The following NRG1 variants were observed in gnomAD, a reference collection of about 807,000 sequenced individuals.
NRG1 encodes the protein pro-neuregulin-1, membrane-bound isoform.
NRG1 carries 18 observed loss-of-function variants against 63.8 expected under a neutral mutation model. The ratio of observed to expected loss-of-function variants is 0.28; its 90% confidence interval spans 0.19 to 0.42. The LOEUF (loss-of-function observed/expected upper bound fraction) is 0.42. Ranked by LOEUF, NRG1 falls within the 10% of genes least tolerant of loss-of-function variation. NRG1 has a pLI of 1.00. For missense variants in NRG1, 762 were observed against 814.7 expected (o/e 0.94, Z 0.79); for synonymous variants, 302 against 301.3 (o/e 1.00, Z -0.02).
intron 7 of NRG1, among the ~76,000 whole-genome samples, chr8:32,745,719 T>C (rs1250426750): frequency 6.6e-6 from 1 of 151,894 alleles, no homozygotes; most frequent in Non-Finnish European, 1.5e-5. Context: ...TGTGTGTGTA[T>C]ACAGGCACTC....
intron 5 of NRG1, among the ~76,000 whole-genome samples, chr8:32,624,739 T>C (rs948479733): frequency 6.6e-6 from 1 of 152,152 alleles, no homozygotes; most frequent in African/African-American, 2.4e-5. Flanking sequence ...TAGAAAAACG[T>C]AGACAAATGA....
intron 1 of NRG1, among the ~76,000 whole-genome samples, chr8:31,659,182 G>C (rs1805720227): frequency 6.6e-6 from 1 of 152,192 alleles, no homozygotes; most frequent in South Asian, 2.1e-4. Flanking sequence ...GCTCAGCCAT[G>C]CTGGCTCTGC....
rs1825824101 is a variant in NRG1, at chr8:32,739,330, G to C, written c.633-3345G>C. On this transcript the variant is annotated intron_variant, in intron 6 of 11. Transcript: ENST00000356819. The stretch of plus-strand genomic sequence containing the variant: ...CTGCGTTTACACTAGCACACTCCTA[G>C]GAAATGCTGATGCTGTCAGTTCTAA... 2.0e-5 allele frequency among the ~76,000 whole-genome samples: 3 copies of C among 152,070 alleles called. No homozygotes were observed. In the South Asian group the frequency reaches 6.2e-4, roughly 32 times the overall value.
chr8:32,624,781 G>A (rs1000078530), intron 5 of NRG1, among the ~76,000 whole-genome samples: 1 of 152,142 alleles, frequency 6.6e-6, no homozygotes, highest in Non-Finnish European at 1.5e-5. Flanking sequence ...TGCATGGGAA[G>A]CATTTTGAAA....
intron 1 of NRG1, among the ~76,000 whole-genome samples, chr8:32,233,555 ATATATATATT>A (rs1358306226): frequency 0.067 from 4,794 of 71,654 alleles, 224 homozygotes; most frequent in African/African-American, 0.24. Context: ...ATATATATAT[ATATATATATT>A]TTTTTTTTTT....
chr8:32,145,661 A>G (rs965267933), intron 1 of NRG1, among the ~76,000 whole-genome samples: 10 of 152,230 alleles, frequency 6.6e-5, no homozygotes, highest in African/African-American at 2.4e-4. Context: ...AGTTACTGCA[A>G]TGGGCCAGCC....
intron 7 of NRG1, 132 bp from the exon 8 acceptor site, chr8:32,754,240 C>A: frequency 1.3e-6 from 1 of 758,880 alleles, no homozygotes; most frequent in Non-Finnish European, 2.2e-6. Context: ...TGTGTGTAAA[C>A]GTAAAGAATT....
At chr8:32,131,722 G>A (rs1338506723) in intron 1 of NRG1, among the ~76,000 whole-genome samples, 1 of 151,974 alleles carries the variant, frequency 6.6e-6, no homozygotes, top group East Asian at 1.9e-4. Context: ...TACTCCCATG[G>A]ATATTGGAGG....
At chr8:32,043,803 A>G (rs1820479615) in intron 1 of NRG1, among the ~76,000 whole-genome samples, 1 of 151,924 alleles carries the variant, frequency 6.6e-6, no homozygotes, top group African/African-American at 2.4e-5. Context: ...ACACAAAGAG[A>G]TACAGTAAAA....
At chr8:32,548,511 G>A in exon 1 of NRG1, 1 of 1,235,996 alleles carries the variant, frequency 8.1e-7, no homozygotes. Flanking sequence ...CCGAGAGCCA[G>A]GGCGAGCGCC....
At chr8:32,344,381 T>TTTCTTTCTTTCTTTCTTTCTTC (rs754495317) in intron 1 of NRG1, among the ~76,000 whole-genome samples, 1,144 of 90,150 alleles carry the variant, frequency 0.013, 67 homozygotes, top group South Asian at 0.023. Context: ...TTTCTTTCTT[T>TTTCTTTCTTTCTTTCTTTCTTC]CTCTTTCTTT....
chr8:31,910,143 A>G (rs189831138), intron 1 of NRG1, among the ~76,000 whole-genome samples: 262 of 152,344 alleles, frequency 1.7e-3, no homozygotes, highest in Non-Finnish European at 3.0e-3. Flanking sequence ...ACAATATTTA[A>G]GCTGCGAGCT....
At chr8:32,453,243 GA>G (rs1037482911) in intron 1 of NRG1, among the ~76,000 whole-genome samples, 3 of 150,948 alleles carry the variant, frequency 2.0e-5, no homozygotes, top group South Asian at 2.1e-4. Flanking sequence ...AACATTGGAA[GA>G]AAAAAAAACT....
intron 1 of NRG1, among the ~76,000 whole-genome samples, chr8:31,981,386 C>T (rs1001031210): frequency 5.9e-5 from 9 of 151,902 alleles, no homozygotes; most frequent in Middle Eastern, 3.2e-3. Flanking sequence ...CTTGAATCTA[C>T]GCTCCTGAGT....
intron 1 of NRG1, among the ~76,000 whole-genome samples, chr8:31,658,320 G>C (rs564360845): frequency 6.6e-6 from 1 of 152,256 alleles, no homozygotes; most frequent in South Asian, 2.1e-4. Flanking sequence ...CTCTCACTCT[G>C]TACTCATGAC....
At chr8:32,492,092 G>A (rs375395266) in intron 1 of NRG1, among the ~76,000 whole-genome samples, 8 of 151,326 alleles carry the variant, frequency 5.3e-5, no homozygotes, top group African/African-American at 1.9e-4. Context: ...ATCCAGCTGA[G>A]ACATAAAACC....
chr8:32,233,564 T>TATATATATATATATATATATA (rs1554660618), intron 1 of NRG1, among the ~76,000 whole-genome samples: 14 of 27,132 alleles, frequency 5.2e-4, no homozygotes, highest in African/African-American at 2.5e-3. Flanking sequence ...TATATATATA[T>TATATATATATATATATATATA]TTTTTTTTTT....
At chr8:31,688,407 A>T (rs527390891) in intron 1 of NRG1, among the ~76,000 whole-genome samples, 2 of 152,256 alleles carry the variant, frequency 1.3e-5, no homozygotes, top group East Asian at 3.9e-4. Context: ...GCCCTCACTC[A>T]ATCTGCTGGT....
At chr8:32,627,677 G>A (rs1588817135) in intron 5 of NRG1, among the ~76,000 whole-genome samples, 1 of 152,080 alleles carries the variant, frequency 6.6e-6, no homozygotes, top group African/African-American at 2.4e-5. Context: ...ATTTTTTAAA[G>A]ACTTGAGTTG....
Sources: gnomAD v4.1 joint callset for allele counts (sites outside exome capture counted in the v4.1 genomes callset) on GRCh38, gnomAD v4.1.1 for gene constraint, MANE v1.5 for transcripts, NCBI Gene and HGNC (gene_info 2026-07-23, HGNC 2026-07-21) for gene names.